The following FMO5 variants were observed in gnomAD, a reference collection of about 807,000 sequenced individuals.
FMO5 encodes the protein flavin-containing monooxygenase 5.
In FMO5, 51 loss-of-function variants were observed where a neutral mutation model predicts 43.6. The observed-to-expected ratio is 1.17, with a 90% confidence interval of 0.93 to 1.48. The LOEUF is 1.48. FMO5 is among the 40% of genes most tolerant of loss of function. The pLI, the probability that FMO5 is intolerant of heterozygous loss-of-function variation, is 0.00. For missense variants in FMO5, 644 were observed against 643.0 expected (o/e 1.00, Z -0.02); for synonymous variants, 187 against 216.5 (o/e 0.86, Z 1.20).
intron 6 of FMO5, among the ~76,000 whole-genome samples, chr1:147,201,937 A>C (rs370717128): frequency 2.0e-5 from 3 of 152,208 alleles, no homozygotes; most frequent in African/African-American, 7.2e-5. Flanking sequence ...AAACTGTATG[A>C]TAAATTACAT....
In FMO5 at chr1:147,201,515, T is replaced by C. The variant is rs782226378; in HGVS notation, c.831-11A>G. 1.9e-6 allele frequency: 3 copies of C among 1,590,774 alleles called. No individual in the cohort carries two copies. In the African/African-American group the frequency reaches 4.0e-5, roughly 21 times the overall value. Reference sequence around the variant, plus strand: ...TGCTGACTCAGAGCTCTGTGAGTCGTGACAAAGATCAAGTGGAGAAATGAG... The same window carrying C: ...TGCTGACTCAGAGCTCTGTGAGTCGCGACAAAGATCAAGTGGAGAAATGAG... On this transcript the variant is annotated splice_polypyrimidine_tract_variant and intron_variant, in intron 6 of 8. Coordinates refer to ENST00000254090, the MANE Select transcript of FMO5 (RefSeq NM_001461.4).
At chr1:147,187,836 G>T (rs1312553339) in intron 8 of FMO5, among the ~76,000 whole-genome samples, 2 of 152,182 alleles carry the variant, frequency 1.3e-5, no homozygotes, top group Admixed American at 6.5e-5. Context: ...TTTTAAAGGG[G>T]AAAATGTGGT....
chr1:147,214,097 G>A (rs1210847547), intron 3 of FMO5, among the ~76,000 whole-genome samples: 1 of 152,092 alleles, frequency 6.6e-6, no homozygotes, highest in Non-Finnish European at 1.5e-5. Flanking sequence ...CCCTACTTAG[G>A]TTAAGGAAAC....
downstream of FMO5, among the ~76,000 whole-genome samples, chr1:147,185,246 A>C (rs1254100988): frequency 6.6e-6 from 1 of 152,082 alleles, no homozygotes; most frequent in African/African-American, 2.4e-5. Flanking sequence ...CATACTCCTA[A>C]TTTAAAAAAG....
chr1:147,204,988 AAGG>A, intron 6 of FMO5: 1 of 1,022,364 alleles, frequency 9.8e-7, no homozygotes, highest in Non-Finnish European at 1.5e-6. Context: ...GGAGGAACCA[AAGG>A]TTTTCATGCC....
chr1:147,209,053 T>C lies in FMO5; in HGVS notation c.631-2A>G, dbSNP rs781793333. On this transcript the variant is annotated splice_acceptor_variant, in intron 5 of 8. Coordinates refer to ENST00000254090, the MANE Select transcript of FMO5 (RefSeq NM_001461.4). LOFTEE classifies it high-confidence loss of function. ...CCCTCTCCTGGTGCTGAGGAAAACC[T>C]GGGGCATGGAAGAAATTGTTTGCTT... 1.2e-6 allele frequency: 2 copies of C among 1,612,334 alleles called. No homozygotes were observed. Among genetic ancestry groups the C allele is most frequent in the South Asian group, 1.1e-5 (1 of 90,846 alleles).
chr1:147,225,866 C>G (rs1388330252), upstream of FMO5: 1 of 152,056 alleles, frequency 6.6e-6, no homozygotes, highest in African/African-American at 2.4e-5. Context: ...CCGAGCTCCC[C>G]GAAAAAGAAA....
chr1:147,201,569 A>C (rs2101833868), intron 6 of FMO5, 65 bp from the exon 7 acceptor site: 1 of 1,361,468 alleles, frequency 7.3e-7, no homozygotes, highest in Non-Finnish European at 1.0e-6. Flanking sequence ...CACATAAGTA[A>C]AATTTTGCTT....
At chr1:147,207,332 T>C (rs1482218530) in intron 6 of FMO5, among the ~76,000 whole-genome samples, 2 of 152,188 alleles carry the variant, frequency 1.3e-5, no homozygotes, top group African/African-American at 4.8e-5. Flanking sequence ...AGGTGAAGGA[T>C]ATATGGGTGC....
rs148462233 is a variant in FMO5 at position 147,208,950 on chromosome 1, T to C, written c.732A>G (p.Ile244Met). 6 of 1,614,000 alleles carry C rather than the reference T, an allele frequency of 3.7e-6. No homozygotes were observed. The highest frequency in any genetic ancestry group is 1.7e-5 in the Admixed American group (1 of 60,018). ...VLFSSRLTHF[I>M]WKICGQSLAN... Reference sequence around the variant, plus strand: ...CTAATGATTGGCCACAGATCTTCCATATAAAATGTGTAAGTCGAGAAGAGA... The same window carrying C: ...CTAATGATTGGCCACAGATCTTCCACATAAAATGTGTAAGTCGAGAAGAGA... The change falls in exon 6 of 9, where the codon ATA becomes ATG. Residue 244 changes from isoleucine to methionine, a missense_variant. Transcript: ENST00000254090.
At position 147,186,749 on chromosome 1, in the gene FMO5, T is replaced by C; in HGVS notation, c.*151A>G. 1 of 1,438,148 alleles carries C rather than the reference T, an allele frequency of 7.0e-7. No individual in the cohort carries two copies. The highest frequency in any genetic ancestry group is 1.5e-5 in the South Asian group (1 of 65,336). The allele number at this position is 1,438,148 out of a possible 1,614,324, so 89.1% of individuals were successfully genotyped here. A position where few individuals can be genotyped will look rare whatever the true frequency, so the allele number is the denominator to read the frequency against. ...AATACAAATGGAAAACAGGTTTCAT[T>C]GTAGGAAAAAGGAAAGTGAATTAAT... is the stretch of plus-strand genomic sequence containing the variant. On this transcript the variant is annotated 3_prime_UTR_variant, in exon 9 of 9. Transcript: ENST00000254090.
chr1:147,214,975 A>G (rs926477686), intron 3 of FMO5: 9 of 152,154 alleles, frequency 5.9e-5, no homozygotes, highest in Non-Finnish European at 1.0e-4. Flanking sequence ...TCTTATTGTC[A>G]TTAAGCAGAA....
intron 7 of FMO5, among the ~76,000 whole-genome samples, chr1:147,196,941 G>T (rs1442759): frequency 0.037 from 5,613 of 152,154 alleles, 117 homozygotes; most frequent in African/African-American, 0.047. Context: ...CTGTCTTACT[G>T]AGACTTTTAC....
In FMO5 at chr1:147,186,965, T is replaced by C. The variant is rs782763612; in HGVS notation, c.1537A>G (p.Thr513Ala). 1 of 1,614,182 alleles carries C rather than the reference T, an allele frequency of 6.2e-7. No homozygotes were observed. Among genetic ancestry groups the C allele is most frequent in the Admixed American group, 1.7e-5 (1 of 60,018 alleles). Residue 513 changes from threonine (T) to alanine (A), a missense_variant, in exon 9 of 9, where the codon ACA (threonine) becomes GCA (alanine). Transcript: ENST00000254090. ...AGCATAAACTTGCCTATTGTCATTG[T>C]TGAAGTCATAGAACTACTCCTTTCA... The part of the protein sequence containing the change: ...VVERSSSMTS[T>A]MTIGKFMLAL...
chr1:147,204,108 T>C lies in FMO5; in HGVS notation c.831-2604A>G. On this transcript the variant is annotated intron_variant, in intron 6 of 8. Coordinates refer to ENST00000254090, the MANE Select transcript of FMO5 (RefSeq NM_001461.4). ...GCAATAGCTTTGACTTATGCATCCA[T>C]GAGATTTTCTTCTCCCTTACTTAAA... 4.8e-6 allele frequency: 5 copies of C among 1,037,364 alleles called. No individual in the cohort carries two copies. In the South Asian group the frequency reaches 6.3e-5, roughly 13 times the overall value. 64.3% of individuals were successfully genotyped at this position (1,037,364 alleles called of 1,614,324 possible). A position where few individuals can be genotyped will look rare whatever the true frequency, so the allele number is the denominator to read the frequency against.
chr1:147,225,890 T>A (rs200995521), upstream of FMO5: 1 of 152,298 alleles, frequency 6.6e-6, no homozygotes, highest in East Asian at 1.9e-4. Context: ...TTGGCCTTTT[T>A]AAAGGCTTAC....
chr1:147,213,551 C>T, intron 3 of FMO5, 81 bp from the exon 4 acceptor site: 3 of 1,218,028 alleles, frequency 2.5e-6, no homozygotes, highest in Non-Finnish European at 3.4e-6. Context: ...GCTGATATCA[C>T]AGACACTATC....
chr1:147,186,871 T>C lies in FMO5; in HGVS notation c.*29A>G. 1 of 1,583,654 alleles carries C rather than the reference T, an allele frequency of 6.3e-7. No homozygotes were observed. On this transcript the variant is annotated 3_prime_UTR_variant, in exon 9 of 9. Coordinates refer to ENST00000254090, the MANE Select transcript of FMO5 (RefSeq NM_001461.4). ...AGGCATCTGTAGATAAGCTTCCCAA[T>C]GAAAAACAGGGCAGTGACAATAGGA...
intron 2 of FMO5, 68 bp from the exon 3 acceptor site, chr1:147,216,010 C>A: frequency 7.9e-6 from 10 of 1,273,176 alleles, no homozygotes; most frequent in Non-Finnish European, 1.1e-5. Context: ...AGCCAATAGA[C>A]ATCTGAAAAA....
Sources: allele counts gnomAD v4.1 joint callset (sites outside exome capture counted in the v4.1 genomes callset), GRCh38; gene constraint gnomAD v4.1.1; transcripts MANE v1.5; gene names NCBI Gene and HGNC (gene_info 2026-07-23, HGNC 2026-07-21).